USP25: variants seen among roughly 807,000 people sequenced by gnomAD.
The protein encoded by USP25 is ubiquitin carboxyl-terminal hydrolase 25.
In USP25, 85 loss-of-function variants were observed where a neutral mutation model predicts 158.5. That is an observed-to-expected ratio of 0.54 (90% CI 0.45 to 0.64). The LOEUF is 0.64. Ranked by LOEUF, USP25 falls within the 30% of genes least tolerant of loss-of-function variation. The pLI is 0.00. For synonymous variants in USP25, 464 were observed against 460.4 expected (o/e 1.01, Z -0.10); for missense variants, 1,242 against 1,327.3 (o/e 0.94, Z 1.00).
intron 4 of USP25, among the ~76,000 whole-genome samples, chr21:15,788,906 G>T (rs1325726831): frequency 6.6e-6 from 1 of 152,034 alleles, no homozygotes; most frequent in Non-Finnish European, 1.5e-5. Context: ...TGTATCTCTT[G>T]AACTTTAATC....
chr21:15,801,108 T>C (rs79682378), intron 6 of USP25, among the ~76,000 whole-genome samples: 2,285 of 151,666 alleles, frequency 0.015, 61 homozygotes, highest in African/African-American at 0.052. Context: ...TCAAAGTATA[T>C]GTATAATTTG....
At chr21:15,779,524 C>G (rs187637642) in intron 4 of USP25, among the ~76,000 whole-genome samples, 23 of 150,594 alleles carry the variant, frequency 1.5e-4, no homozygotes, top group African/African-American at 5.6e-4. Flanking sequence ...GCTTATATAC[C>G]CAATTAGTAT....
intron 25 of USP25, 75 bp from the exon 26 acceptor site, chr21:15,878,228 T>C: frequency 6.5e-7 from 1 of 1,533,218 alleles, no homozygotes; most frequent in African/African-American, 1.4e-5. Context: ...AGTAAGTTAA[T>C]ATTAGTAAAT....
intron 19 of USP25, among the ~76,000 whole-genome samples, chr21:15,849,446 T>C (rs79297287): frequency 1.6e-3 from 248 of 152,258 alleles, no homozygotes; most frequent in African/African-American, 5.7e-3. Flanking sequence ...CCTTTTTTAA[T>C]TGGTAAAAAG....
At chr21:15,857,462 A>T (rs1204167816) in intron 20 of USP25, among the ~76,000 whole-genome samples, 1 of 152,178 alleles carries the variant, frequency 6.6e-6, no homozygotes. Flanking sequence ...AAAAAAAGAC[A>T]TTAAAAATGT....
chr21:15,754,037 T>TA (rs2033211725), intron 1 of USP25, among the ~76,000 whole-genome samples: 1 of 152,212 alleles, frequency 6.6e-6, no homozygotes, highest in African/African-American at 2.4e-5. Context: ...CTCTTGCTGA[T>TA]ACAGATACTT....
chr21:15,794,557 C>G (rs773209231), intron 5 of USP25, among the ~76,000 whole-genome samples: 1 of 151,542 alleles, frequency 6.6e-6, no homozygotes, highest in Non-Finnish European at 1.5e-5. Context: ...GGTATGGGTG[C>G]TCATGATGAT....
chr21:15,831,599 A>G lies in USP25; in HGVS notation c.1963A>G (p.Ile655Val), dbSNP rs768646388. The G allele has an allele frequency of 5.0e-6, 8 of 1,613,772 alleles. No individual in the cohort carries two copies. Among genetic ancestry groups the G allele is most frequent in the Non-Finnish European group, 6.8e-6 (8 of 1,179,862 alleles). Reference protein sequence around the residue: ...RNASAYCLMYINDKAQFLIQE... With the variant: ...RNASAYCLMYVNDKAQFLIQE... The stretch of plus-strand genomic sequence containing the variant: ...TGCCAGTGCATACTGTTTAATGTAC[A>G]TAAATGATAAGGCACAGTTCCTAAT... The change falls in exon 16 of 26, where the codon ATA (isoleucine) becomes GTA (valine). Residue 655 changes from isoleucine (I) to valine (V), a missense_variant. By Grantham distance (29) the Ile-to-Val change is conservative. This residue lies in a region of USP25 where 608 missense variants were observed against 605.2 expected (regional missense o/e 1.00). Coordinates refer to ENST00000400183, the MANE Select transcript of USP25 (RefSeq NM_001283041.3).
chr21:15,782,220 C>G (rs1182980124), intron 4 of USP25, among the ~76,000 whole-genome samples: 1 of 152,148 alleles, frequency 6.6e-6, no homozygotes, highest in Admixed American at 6.5e-5. Context: ...GGAGGTGGCC[C>G]CACCCCAAGG....
At chr21:15,878,012 T>G (rs1475824381) in intron 25 of USP25, 21 bp downstream of exon 25, 1 of 1,585,594 alleles carries the variant, frequency 6.3e-7, no homozygotes, top group African/African-American at 1.4e-5. Context: ...ACAATGGTAG[T>G]AGGCACCTGA....
In USP25 at chr21:15,831,464, G is replaced by A. The variant is rs1049503442; in HGVS notation, c.1828G>A (p.Ala610Thr). 8 of 1,613,864 alleles carry A rather than the reference G, an allele frequency of 5.0e-6. No homozygotes were observed. The African/African-American group carries it at 5.3e-5, about 11-fold the overall frequency. ...CCAAGCTAATGCTGGGCACTACTGG[G>A]CATATATTTTTGATCATCGTGAAAG... ...EGQANAGHYW[A>T]YIFDHRESRW... The change falls in exon 16 of 26, where the codon GCA becomes ACA. Residue 610 changes from alanine to threonine, a missense_variant. Physicochemically the swap from Ala to Thr is moderately conservative, Grantham distance 58. This residue lies in a region of USP25 where 7 missense variants were observed against 20.6 expected (regional missense o/e 0.34). Transcript: ENST00000400183.
intron 12 of USP25, among the ~76,000 whole-genome samples, chr21:15,825,680 A>G (rs1209842055): frequency 1.3e-5 from 2 of 152,212 alleles, no homozygotes; most frequent in Non-Finnish European, 2.9e-5. Context: ...GTCACAAGTC[A>G]TTTCAGTTTG....
chr21:15,826,428 G>T lies in USP25; in HGVS notation c.1466+63G>T. 2 of 1,560,300 alleles carry T rather than the reference G, an allele frequency of 1.3e-6. No individual in the cohort carries two copies. The highest frequency in any genetic ancestry group is 1.8e-6 in the Non-Finnish European group (2 of 1,140,278). On this transcript the variant is annotated intron_variant, in intron 13 of 25. Coordinates refer to ENST00000400183, the MANE Select transcript of USP25 (RefSeq NM_001283041.3). This position sits in a 1 kb window ranked among gnomAD's most constrained non-coding sequence, Gnocchi z 4.8. ...TTTATTACACAATAATGTAACTGCTGCCTTTAAAGACAGTTTCTATAAAAT... is the reference window on the plus strand; with the variant it reads ...TTTATTACACAATAATGTAACTGCTTCCTTTAAAGACAGTTTCTATAAAAT...
intron 4 of USP25, among the ~76,000 whole-genome samples, chr21:15,783,248 A>G (rs2035070293): frequency 6.6e-6 from 1 of 152,192 alleles, no homozygotes. Flanking sequence ...GAAAGCCCAT[A>G]GGACTTATCA....
chr21:15,839,800 C>G (rs1217371799), intron 17 of USP25, among the ~76,000 whole-genome samples: 2 of 152,106 alleles, frequency 1.3e-5, no homozygotes, highest in Non-Finnish European at 2.9e-5. Flanking sequence ...CACCAGATTA[C>G]TCATCGTTTC....
chr21:15,821,314 T>A (rs1050057310), intron 10 of USP25, among the ~76,000 whole-genome samples: 1 of 152,044 alleles, frequency 6.6e-6, no homozygotes, highest in African/African-American at 2.4e-5. Context: ...ACATAGTCTG[T>A]ATTTATAAAA....
chr21:15,832,773 C>G (rs1414037939), intron 16 of USP25, among the ~76,000 whole-genome samples: 1 of 151,652 alleles, frequency 6.6e-6, no homozygotes, highest in Middle Eastern at 3.2e-3. Context: ...AATCCCAGCA[C>G]TTTGGGAGGC....
intron 17 of USP25, among the ~76,000 whole-genome samples, chr21:15,834,357 A>G (rs2037956526): frequency 6.6e-6 from 1 of 152,160 alleles, no homozygotes; most frequent in Admixed American, 6.5e-5. Flanking sequence ...TTTCTCAGAG[A>G]AGCTATAAAT....
chr21:15,803,414 G>C (rs2036226705), intron 6 of USP25, among the ~76,000 whole-genome samples: 1 of 151,764 alleles, frequency 6.6e-6, no homozygotes, highest in South Asian at 2.1e-4. Context: ...TCATAGAGAA[G>C]TGGGGCTTAT....
Sources: allele counts gnomAD v4.1 joint callset (sites outside exome capture counted in the v4.1 genomes callset), GRCh38; gene constraint gnomAD v4.1.1; regional missense constraint gnomAD v4.1.1; non-coding constraint Gnocchi (gnomAD v3.1); transcripts MANE v1.5; gene names NCBI Gene and HGNC (gene_info 2026-07-23, HGNC 2026-07-21).